SYNE1: variants seen among roughly 807,000 people sequenced by gnomAD.
SYNE1 encodes nesprin-1.
Under a neutral mutation model 1,111.0 loss-of-function variants are expected in SYNE1, and 616 were observed. The ratio of observed to expected loss-of-function variants is 0.55; its 90% CI spans 0.52 to 0.59. The LOEUF is 0.59. Among genes scored for constraint, SYNE1 ranks in the 20% least tolerant of loss-of-function variants. SYNE1 has a pLI of 0.00. For missense variants in SYNE1, 10,006 were observed against 10,417.0 expected (o/e 0.96, Z 1.72); for synonymous variants, 3,855 against 3,825.8 (o/e 1.01, Z -0.28).
At chr6:152,454,452 C>T (rs2098679428) in intron 24 of SYNE1, among the ~76,000 whole-genome samples, 1 of 152,188 alleles carries the variant, frequency 6.6e-6, no homozygotes, top group Non-Finnish European at 1.5e-5. Context: ...TAGCCATCTG[C>T]AAGCCAGGAA....
Position 152,339,289 on chromosome 6 carries a change from A to T in SYNE1, c.12303T>A (p.Asn4101Lys). The change falls in exon 75 of 146, where the codon AAT becomes AAA. Residue 4101 changes from asparagine to lysine, a missense_variant. Asn to Lys is a moderately conservative substitution (Grantham distance 94). Around this residue, in one of 7 missense-constraint regions of SYNE1, gnomAD observed 4,955 missense variants for 5,017.2 expected, o/e 0.99. Transcript: ENST00000367255. The stretch of plus-strand genomic sequence containing the variant: ...CTTTTGCTGTGGTTTTCACCGAAGC[A>T]TTTGACAGGTCACACATGGAGCAAA... ...DLLCSMCDLS[N>K]ASVKTTAKDI... 1 of 1,614,064 alleles carries T rather than the reference A, an allele frequency of 6.2e-7. No individual in the cohort carries two copies.
chr6:152,355,519 C>A (rs2096821697), intron 66 of SYNE1, among the ~76,000 whole-genome samples: 1 of 152,230 alleles, frequency 6.6e-6, no homozygotes, highest in Non-Finnish European at 1.5e-5. Context: ...TGGTTCATCA[C>A]ACCTGCCCAC....
At chr6:152,219,671 G>T (rs1360161187) in intron 119 of SYNE1, among the ~76,000 whole-genome samples, 1 of 152,104 alleles carries the variant, frequency 6.6e-6, no homozygotes, top group Admixed American at 6.6e-5. Flanking sequence ...TTCTATATGT[G>T]TGGTCACATT....
chr6:152,134,337 G>A lies in SYNE1; in HGVS notation c.25788+767C>T, dbSNP rs1022852444. ...TGTCTTGGCTTTCAGAAAACTTGAT[G>A]CTCAGGTTCATGTTTAATCTGATGT... On this transcript the variant is annotated intron_variant, in intron 142 of 145. Transcript: ENST00000367255. 3 of 152,188 alleles carry A rather than the reference G, an allele frequency of 2.0e-5. No individual in the cohort carries two copies. In the South Asian group the frequency reaches 6.2e-4, roughly 32 times the overall value. The allele number at this position is 152,188 out of a possible 1,614,324, so 9.4% of individuals were successfully genotyped here.
At chr6:152,363,225 T>C (rs1471548449) in intron 63 of SYNE1, among the ~76,000 whole-genome samples, 1 of 139,154 alleles carries the variant, frequency 7.2e-6, no homozygotes, top group Non-Finnish European at 1.6e-5. Context: ...CCGGGCGCGG[T>C]GACTCACGCC....
intron 4 of SYNE1, among the ~76,000 whole-genome samples, chr6:152,538,869 G>A (rs956151046): frequency 6.6e-5 from 10 of 152,070 alleles, no homozygotes; most frequent in East Asian, 1.9e-4. Context: ...TAGACAGGTC[G>A]CTCTAGGCTT....
chr6:152,186,583 AAAAAAAAAAAAAAG>A lies in SYNE1; in HGVS notation c.23301+2655_23301+2668del, dbSNP rs1448631863. ...AAAAAAAAAAAAAAAAAAAAAAAAA[AAAAAAAAAAAAAAG>A]AAGAAGAAGAAAATTAGAAGGGAAG... is the stretch of plus-strand genomic sequence containing the variant. On this transcript the variant is annotated intron_variant, in intron 128 of 145. Transcript: ENST00000367255. Among the ~76,000 whole-genome samples the A allele has an allele frequency of 3.3e-3, 467 of 139,950 alleles. 6 individuals are homozygous for A. The highest frequency in any genetic ancestry group is 5.5e-3 in the Non-Finnish European group (356 of 64,912). 91.8% of individuals were successfully genotyped at this position (139,950 alleles called of 152,430 possible).
At chr6:152,627,520 T>C (rs1201808588) in intron 3 of SYNE1, among the ~76,000 whole-genome samples, 1 of 148,134 alleles carries the variant, frequency 6.8e-6, no homozygotes, top group Non-Finnish European at 1.5e-5. Flanking sequence ...TAGCCGGGCA[T>C]GGTGGCACAT....
intron 130 of SYNE1, among the ~76,000 whole-genome samples, chr6:152,171,027 C>A (rs2065076813): frequency 6.6e-6 from 1 of 152,168 alleles, no homozygotes. Flanking sequence ...GTAAGATGTG[C>A]CTTTCGCCTT....
rs781338677 is a variant in SYNE1, at chr6:152,458,784, C to T, written c.2541G>A (p.Ser847=). ...IITVLEREAQ[S]SALFKQKHQE... Reference sequence around the variant, plus strand: ...GATGTTTTTGTTTAAAAAGGGCACTCGATTGTGCCTCACGCTCAAGAACTG... The same window carrying T: ...GATGTTTTTGTTTAAAAAGGGCACTTGATTGTGCCTCACGCTCAAGAACTG... The change falls in exon 22 of 146, where the codon TCG becomes TCA. Residue 847 remains serine (S), a synonymous_variant. Transcript: ENST00000367255. 6.8e-6 allele frequency: 11 copies of T among 1,613,886 alleles called. No individual in the cohort carries two copies. The highest frequency in any genetic ancestry group is 4.0e-5 in the African/African-American group (3 of 74,874).
chr6:152,254,275 G>A (rs1180631837), intron 104 of SYNE1, among the ~76,000 whole-genome samples: 10 of 99,908 alleles, frequency 1.0e-4, no homozygotes, highest in Admixed American at 2.8e-4. Flanking sequence ...TTTTTGAGAC[G>A]GAGTCTTGCT....
intron 3 of SYNE1, among the ~76,000 whole-genome samples, chr6:152,619,167 A>G (rs1024706658): frequency 3.9e-5 from 6 of 152,228 alleles, no homozygotes; most frequent in Non-Finnish European, 4.4e-5. Flanking sequence ...TTCTTAAGAT[A>G]TATGAGGGAT....
chr6:152,450,636 G>A lies in SYNE1; in HGVS notation c.3384C>T (p.Asp1128=). The change falls in exon 27 of 146, where the codon GAC becomes GAT. Residue 1128 remains aspartate, a synonymous_variant. Coordinates refer to ENST00000367255, the MANE Select transcript of SYNE1 (RefSeq NM_182961.4). ...CATTCTGAGGCTACCTGCTAGTGTA[G>A]TCCTTCCACTTGTCTGGGTCTTCCA... is the stretch of plus-strand genomic sequence containing the variant. The part of the protein sequence containing the change: ...KLMEDPDKWK[D]YTSRFSEFSS... 6.2e-7 allele frequency: 1 copy of A among 1,614,098 alleles called. No individual in the cohort carries two copies. Among genetic ancestry groups the A allele is most frequent in the Non-Finnish European group, 8.5e-7 (1 of 1,180,006 alleles).
In SYNE1 at chr6:152,492,184, C is replaced by T. The variant is rs150184070; in HGVS notation, c.940-3681G>A. Among the ~76,000 whole-genome samples the T allele has an allele frequency of 3.3e-4, 50 of 152,316 alleles. No individual in the cohort carries two copies. In the East Asian group the frequency reaches 9.1e-3, roughly 28 times the overall value. ...CTTTGCCGCCCTAGACCCAGAGGGG[C>T]CAGAAGGCCGTCCTATTCTCAATAT... On this transcript the variant is annotated intron_variant, in intron 11 of 145. Transcript: ENST00000367255.
Position 152,321,855 on chromosome 6 carries a change from A to G in SYNE1, c.15949T>C (p.Leu5317=), listed in dbSNP as rs758999102. Reference sequence around the variant, plus strand: ...CGGTCCTTCAGCTCTTGCTTCACCAACTTTCCATTAGTCTTCACTTTCTCC... The same window carrying G: ...CGGTCCTTCAGCTCTTGCTTCACCAGCTTTCCATTAGTCTTCACTTTCTCC... ...MQEKVKTNGK[L]VKQELKDREM... Residue 5317 remains leucine, a synonymous_variant, in exon 83 of 146, where the codon TTG becomes CTG. Transcript: ENST00000367255. 6 of 1,613,908 alleles carry G rather than the reference A, an allele frequency of 3.7e-6. No homozygotes were observed. Among genetic ancestry groups the G allele is most frequent in the South Asian group, 1.1e-5 (1 of 91,080 alleles).
intron 137 of SYNE1, 191 bp from the exon 138 acceptor site, chr6:152,143,956 G>A (rs559519990): frequency 2.7e-6 from 2 of 729,674 alleles, no homozygotes. Context: ...ACCAATGAAG[G>A]TGCTTGACTG....
At chr6:152,620,582 T>C (rs541391952) in intron 3 of SYNE1, among the ~76,000 whole-genome samples, 2 of 152,238 alleles carry the variant, frequency 1.3e-5, no homozygotes, top group South Asian at 4.1e-4. Context: ...AGGACCAAGT[T>C]TAATTTTTTT....
At chr6:152,227,340 T>C (rs2153492981) in intron 115 of SYNE1, among the ~76,000 whole-genome samples, 1 of 152,332 alleles carries the variant, frequency 6.6e-6, no homozygotes, top group East Asian at 1.9e-4. Context: ...CATTTGGCAA[T>C]GTGCCATGTT....
intron 11 of SYNE1, among the ~76,000 whole-genome samples, chr6:152,489,545 A>G (rs1055224915): frequency 2.7e-5 from 4 of 148,776 alleles, no homozygotes; most frequent in Admixed American, 1.4e-4. Context: ...GACCCTTTCA[A>G]TTGTTTTGCT....
Sources: allele counts gnomAD v4.1 joint callset (sites outside exome capture counted in the v4.1 genomes callset), GRCh38; gene constraint gnomAD v4.1.1; regional missense constraint gnomAD v4.1.1; transcripts MANE v1.5; gene names NCBI Gene and HGNC (gene_info 2026-07-23, HGNC 2026-07-21).